Variants in JAK1 observed in about 807,000 individuals in gnomAD.
The protein encoded by JAK1 is Janus kinase 1.
In JAK1, 16 loss-of-function variants were observed where a neutral mutation model predicts 136.6. The ratio of observed to expected loss-of-function variants is 0.12; its 90% CI spans 0.08 to 0.18. JAK1 has a LOEUF of 0.18. JAK1 is among the 10% of genes least tolerant of loss of function. JAK1 has a pLI of 1.00. For missense variants in JAK1, 859 were observed against 1,450.1 expected (o/e 0.59, Z 6.62); for synonymous variants, 492 against 519.5 (o/e 0.95, Z 0.72).
At chr1:64,891,887 G>GT (rs938707955) in intron 1 of JAK1, among the ~76,000 whole-genome samples, 2 of 152,212 alleles carry the variant, frequency 1.3e-5, no homozygotes, top group African/African-American at 2.4e-5. Context: ...CCCCAGAACC[G>GT]TAAGTGCTGC....
chr1:64,914,232 G>T (rs982332046), intron 1 of JAK1, among the ~76,000 whole-genome samples: 1 of 152,152 alleles, frequency 6.6e-6, no homozygotes, highest in Non-Finnish European at 1.5e-5. Flanking sequence ...TCAGACAAGG[G>T]GCCAGGCACT....
intron 1 of JAK1, among the ~76,000 whole-genome samples, chr1:64,902,874 G>A (rs906076632): frequency 5.9e-5 from 9 of 152,034 alleles, no homozygotes; most frequent in South Asian, 2.1e-4. Flanking sequence ...CTTCCTTTGC[G>A]GCAAGATATG....
intron 3 of JAK1, among the ~76,000 whole-genome samples, chr1:64,881,132 C>T (rs916375424): frequency 4.6e-5 from 7 of 151,710 alleles, no homozygotes; most frequent in Admixed American, 3.9e-4. Context: ...CATGGTGGCA[C>T]ATGCCTGTAG....
chr1:64,834,513 C>T lies in JAK1; in HGVS notation c.*49G>A, dbSNP rs1316619459. The T allele has an allele frequency of 8.0e-7, 1 of 1,244,282 alleles. No homozygotes were observed. Among genetic ancestry groups the T allele is most frequent in the African/African-American group, 1.5e-5 (1 of 66,670 alleles). The allele number at this position is 1,244,282 out of a possible 1,614,324, so 77.1% of individuals were successfully genotyped here. On this transcript the variant is annotated 3_prime_UTR_variant, in exon 25 of 25. Coordinates refer to ENST00000342505, the MANE Select transcript of JAK1 (RefSeq NM_002227.4). Reference sequence around the variant, plus strand: ...TAAAAAATGACTTGGGCATTTGTTGCAGGAGAAGGACTTGATAATCTGTGG... The same window carrying T: ...TAAAAAATGACTTGGGCATTTGTTGTAGGAGAAGGACTTGATAATCTGTGG...
In JAK1 at chr1:64,867,075, C is replaced by A. The variant is rs746120026; in HGVS notation, c.781G>T (p.Val261Leu). 2 of 1,614,190 alleles carry A rather than the reference C, an allele frequency of 1.2e-6. No individual in the cohort carries two copies. The highest frequency in any genetic ancestry group is 1.7e-6 in the Non-Finnish European group (2 of 1,179,988). ...FNNKTICDSS[V>L]STHDLKVKYL... Reference sequence around the variant, plus strand: ...TTCACCTTCAGGTCATGCGTGGACACGCTGCTGTCACAAATGGTCTTGTTG... The same window carrying A: ...TTCACCTTCAGGTCATGCGTGGACAAGCTGCTGTCACAAATGGTCTTGTTG... Residue 261 changes from valine to leucine, a missense_variant, in exon 7 of 25, where the codon GTG (valine) becomes TTG (leucine). Physicochemically the swap from Val to Leu is conservative, Grantham distance 32. This residue lies in a region of JAK1 where 353 missense variants were observed against 494.0 expected (regional missense o/e 0.71). Coordinates refer to ENST00000342505, the MANE Select transcript of JAK1 (RefSeq NM_002227.4).
At position 65,053,324 on chromosome 1, in the gene JAK1, G is replaced by A. The variant is rs559373006; in HGVS notation, c.-180-8742C>T. Among the ~76,000 whole-genome samples the A allele has an allele frequency of 3.9e-5, 6 of 152,250 alleles. No homozygotes were observed. In the South Asian group the frequency reaches 8.3e-4, roughly 21 times the overall value. On this transcript the variant is annotated intron_variant, in intron 1 of 25. Coordinates refer to the JAK1 transcript ENST00000671954. Reference sequence around the variant, plus strand: ...TTATGCCACTGCACTCCAACTGGGCGACAGAGCAAGACTCCGCCTCAAAAA... The same window carrying A: ...TTATGCCACTGCACTCCAACTGGGCAACAGAGCAAGACTCCGCCTCAAAAA...
chr1:65,066,994 A>G (rs746122676), intron 1 of JAK1, among the ~76,000 whole-genome samples: 3 of 151,916 alleles, frequency 2.0e-5, no homozygotes, highest in Non-Finnish European at 2.9e-5. Context: ...GTTGCCACTG[A>G]CACCCCAGCG....
intron 1 of JAK1, among the ~76,000 whole-genome samples, chr1:64,892,384 G>A (rs1365447454): frequency 6.6e-6 from 1 of 152,054 alleles, no homozygotes; most frequent in East Asian, 1.9e-4. Context: ...GGGTTCAAGT[G>A]AACCTCCTGC....
chr1:65,013,417 C>A (rs1186344013), intron 2 of JAK1, among the ~76,000 whole-genome samples: 52 of 149,508 alleles, frequency 3.5e-4, no homozygotes, highest in South Asian at 2.3e-3. Context: ...ACAAAAAAAA[C>A]AAAAACCGAA....
At chr1:65,050,817 T>C (rs1006126657) in intron 1 of JAK1, among the ~76,000 whole-genome samples, 5 of 152,188 alleles carry the variant, frequency 3.3e-5, no homozygotes, top group Non-Finnish European at 1.5e-5. Flanking sequence ...TCTTACATTG[T>C]TTCTGGACTC....
chr1:64,928,786 A>AC (rs1553169990), intron 1 of JAK1, among the ~76,000 whole-genome samples: 1 of 117,912 alleles, frequency 8.5e-6, no homozygotes, highest in African/African-American at 3.7e-5. Flanking sequence ...TGCAAAAAAA[A>AC]AAAAAAAAAA....
chr1:64,961,665 T>C (rs1261857511), intron 1 of JAK1, among the ~76,000 whole-genome samples: 1 of 152,122 alleles, frequency 6.6e-6, no homozygotes, highest in East Asian at 1.9e-4. Flanking sequence ...CACTTTTATG[T>C]CCTTGCTCAC....
At chr1:64,951,049 T>C (rs1022945839) in intron 1 of JAK1, among the ~76,000 whole-genome samples, 1 of 152,212 alleles carries the variant, frequency 6.6e-6, no homozygotes, top group Admixed American at 6.5e-5. Flanking sequence ...TACTAGACAA[T>C]GGCTATAAAC....
intron 2 of JAK1, chr1:64,989,736 CAG>C (rs1646637738): frequency 6.6e-6 from 1 of 152,140 alleles, no homozygotes; most frequent in African/African-American, 2.4e-5. Context: ...AATTTGAGAA[CAG>C]AGTTTCTTTG....
intron 2 of JAK1, among the ~76,000 whole-genome samples, chr1:65,001,651 GTGTT>G (rs1402590356): frequency 1.4e-5 from 2 of 144,928 alleles, no homozygotes; most frequent in East Asian, 2.0e-4. Flanking sequence ...TGTTGTATGT[GTGTT>G]TGAGAGGTAG....
At chr1:65,035,914 A>C (rs944448763) in intron 2 of JAK1, among the ~76,000 whole-genome samples, 11 of 151,920 alleles carry the variant, frequency 7.2e-5, no homozygotes, top group African/African-American at 2.7e-4. Flanking sequence ...TGAAAATACA[A>C]AAAATTATCC....
At chr1:65,050,691 A>T (rs562807979) in intron 1 of JAK1, among the ~76,000 whole-genome samples, 11 of 152,350 alleles carry the variant, frequency 7.2e-5, no homozygotes, top group Admixed American at 7.2e-4. Context: ...AGGCATCAGA[A>T]AAAGGCAACA....
chr1:65,051,612 C>A (rs1267490947), intron 1 of JAK1, among the ~76,000 whole-genome samples: 1 of 151,886 alleles, frequency 6.6e-6, no homozygotes, highest in Non-Finnish European at 1.5e-5. Context: ...ATTCCTGGTT[C>A]GAAGATACTC....
intron 1 of JAK1, among the ~76,000 whole-genome samples, chr1:64,907,183 A>C (rs1645203815): frequency 6.6e-6 from 1 of 152,152 alleles, no homozygotes; most frequent in South Asian, 2.1e-4. Flanking sequence ...ATAACAGTAC[A>C]TGGGGTTGGA....
Sources: gnomAD v4.1 joint callset for allele counts (sites outside exome capture counted in the v4.1 genomes callset) on GRCh38, gnomAD v4.1.1 for gene constraint, gnomAD v4.1.1 regional missense constraint, MANE v1.5 for transcripts, NCBI Gene and HGNC (gene_info 2026-07-23, HGNC 2026-07-21) for gene names.